The following DMXL1 variants were observed in gnomAD, a reference collection of about 807,000 sequenced individuals.
DMXL1 encodes dmX-like protein 1.
Under a neutral mutation model 319.2 loss-of-function variants are expected in DMXL1, and 99 were observed. The ratio of observed to expected loss-of-function variants is 0.31; its 90% confidence interval spans 0.26 to 0.37. DMXL1 has a LOEUF of 0.37. Among genes scored for constraint, DMXL1 ranks in the 10% least tolerant of loss-of-function variants. The pLI, the probability that DMXL1 is intolerant of heterozygous loss-of-function variation, is 1.00. For missense variants in DMXL1, 3,745 were observed against 3,595.6 expected, an observed-to-expected ratio of 1.04 and a Z score of -1.06; for synonymous variants, 1,385 against 1,235.2, an observed-to-expected ratio of 1.12 and a Z score of -2.54.
At chr5:119,234,495 A>G (rs1787362343) in intron 39 of DMXL1, among the ~76,000 whole-genome samples, 1 of 152,044 alleles carries the variant, frequency 6.6e-6, no homozygotes. Context: ...TTTTTTGTCT[A>G]CCATGTTTAT....
At chr5:119,154,055 A>G (rs1770442165) in intron 19 of DMXL1, among the ~76,000 whole-genome samples, 1 of 152,206 alleles carries the variant, frequency 6.6e-6, no homozygotes, top group African/African-American at 2.4e-5. Flanking sequence ...AATGAATTTA[A>G]TCAATAAATG....
chr5:119,081,143 A>T (rs1475386736), intron 1 of DMXL1, among the ~76,000 whole-genome samples: 9 of 152,230 alleles, frequency 5.9e-5, no homozygotes, highest in Admixed American at 5.9e-4. Flanking sequence ...CAAATGGGAC[A>T]AAGAAAACCT....
chr5:119,128,180 G>A, intron 9 of DMXL1: 2 of 463,132 alleles, frequency 4.3e-6, no homozygotes, highest in Admixed American at 2.5e-5. Context: ...AGTTCCACCT[G>A]CACGGTCTTT....
intron 14 of DMXL1, among the ~76,000 whole-genome samples, chr5:119,144,333 G>A (rs1475568546): frequency 6.6e-6 from 1 of 151,760 alleles, no homozygotes; most frequent in African/African-American, 2.4e-5. Context: ...AAGACTCATT[G>A]TAATGAAAGC....
At chr5:119,081,693 C>T in intron 1 of DMXL1, 11 of 985,340 alleles carry the variant, frequency 1.1e-5, no homozygotes, top group African/African-American at 1.7e-5. Flanking sequence ...CAATTTTAAC[C>T]AGAGGTACCC....
rs745596483 is a variant in DMXL1, at chr5:119,167,723, G to A, written c.5257G>A (p.Asp1753Asn). 12 of 1,613,584 alleles carry A rather than the reference G, an allele frequency of 7.4e-6. No individual in the cohort carries two copies. The highest frequency in any genetic ancestry group is 1.7e-5 in the Admixed American group (1 of 60,006). The change falls in exon 23 of 44, where the codon GAT (aspartate) becomes AAT (asparagine). Residue 1753 changes from aspartate to asparagine, a missense_variant. By Grantham distance (23) the Asp-to-Asn change is conservative. Coordinates refer to ENST00000539542, the MANE Select transcript of DMXL1 (RefSeq NM_001290321.3). ...SILRKKVLGIDSPVSELCSLN... is the reference protein window; with the variant it reads ...SILRKKVLGINSPVSELCSLN... ...TTTACGTAAAAAAGTTTTGGGAATCGATTCTCCTGTCAGTGAACTGTGTTC... is the reference window on the plus strand; with the variant it reads ...TTTACGTAAAAAAGTTTTGGGAATCAATTCTCCTGTCAGTGAACTGTGTTC...
chr5:119,233,895 A>G (rs1277911833), intron 39 of DMXL1, among the ~76,000 whole-genome samples: 1 of 152,138 alleles, frequency 6.6e-6, no homozygotes, highest in Non-Finnish European at 1.5e-5. Context: ...TTTTACAAAT[A>G]TTAAAGTTTT....
At chr5:119,158,207 T>G (rs1035902571) in intron 19 of DMXL1, among the ~76,000 whole-genome samples, 1 of 145,418 alleles carries the variant, frequency 6.9e-6, no homozygotes, top group Non-Finnish European at 1.5e-5. Context: ...TTTCTAAGGT[T>G]TTTTTTTTTT....
rs70982466 is a variant in DMXL1, at chr5:119,089,293, T to TATATATATATATATA, written c.88-8686_88-8685insATATATATATATATA. ...ATATATATACATATATATATATATA[T>TATATATATATATATA]TTTTTTTTTTTTTTTTTTTTTTTTT... On this transcript the variant is annotated intron_variant, in intron 1 of 43. Coordinates refer to ENST00000539542, the MANE Select transcript of DMXL1 (RefSeq NM_001290321.3). Among the ~76,000 whole-genome samples, 13 of 25,338 alleles carry TATATATATATATATA rather than the reference T, an allele frequency of 5.1e-4. 1 individual carries two copies. Among genetic ancestry groups the TATATATATATATATA allele is most frequent in the Non-Finnish European group, 8.3e-4 (12 of 14,538 alleles). 16.6% of individuals were successfully genotyped at this position (25,338 alleles called of 152,430 possible).
intron 34 of DMXL1, among the ~76,000 whole-genome samples, chr5:119,212,664 T>C (rs1783004442): frequency 6.6e-6 from 1 of 152,196 alleles, no homozygotes; most frequent in Non-Finnish European, 1.5e-5. Context: ...TTCTTTTTTC[T>C]TCACATGTCC....
intron 23 of DMXL1, among the ~76,000 whole-genome samples, chr5:119,168,942 C>T (rs1011503141): frequency 6.6e-6 from 1 of 151,988 alleles, no homozygotes; most frequent in Non-Finnish European, 1.5e-5. Flanking sequence ...CTCACTCTCA[C>T]CCAGGCTGGA....
chr5:119,198,014 T>A (rs942575320), intron 32 of DMXL1, 58 bp downstream of exon 32: 2 of 1,514,456 alleles, frequency 1.3e-6, no homozygotes. Flanking sequence ...TTTGAGATGG[T>A]GTCTCGCTCT....
intron 32 of DMXL1, among the ~76,000 whole-genome samples, chr5:119,199,385 C>T (rs1780260098): frequency 6.6e-6 from 1 of 152,164 alleles, no homozygotes; most frequent in Admixed American, 6.5e-5. Flanking sequence ...ATCCATGTTC[C>T]CACAAAAGAT....
intron 9 of DMXL1, among the ~76,000 whole-genome samples, chr5:119,124,762 C>T (rs778066010): frequency 4.6e-5 from 7 of 151,904 alleles, no homozygotes; most frequent in Middle Eastern, 3.2e-3. Flanking sequence ...GATGGTGTTT[C>T]ACCATGTTGG....
chr5:119,218,179 C>G (rs770750088), intron 35 of DMXL1, among the ~76,000 whole-genome samples: 11 of 152,014 alleles, frequency 7.2e-5, no homozygotes, highest in Non-Finnish European at 1.5e-4. Flanking sequence ...GAGTTTGATA[C>G]CAGCCTGGGC....
At chr5:119,239,126 A>C (rs1206819819) in intron 41 of DMXL1, 46 bp downstream of exon 41, 2 of 1,590,454 alleles carry the variant, frequency 1.3e-6, no homozygotes, top group East Asian at 4.5e-5. Flanking sequence ...GTATAGCTGA[A>C]CTTTTTTTTA....
At chr5:119,184,247 T>C (rs1004243840) in intron 28 of DMXL1, among the ~76,000 whole-genome samples, 10 of 152,062 alleles carry the variant, frequency 6.6e-5, no homozygotes, top group African/African-American at 2.2e-4. Flanking sequence ...GTTTTATTTT[T>C]ATAGAGACAA....
chr5:119,090,605 C>T (rs1189264059), intron 1 of DMXL1, among the ~76,000 whole-genome samples: 2 of 149,708 alleles, frequency 1.3e-5, no homozygotes, highest in Admixed American at 6.6e-5. Context: ...TCTTTTTGCC[C>T]AGGCTGGGGT....
chr5:119,213,104 CCCTGCAG>C (rs894600860), intron 34 of DMXL1, among the ~76,000 whole-genome samples: 1 of 152,290 alleles, frequency 6.6e-6, no homozygotes, highest in Non-Finnish European at 1.5e-5. Flanking sequence ...TATAAAACTA[CCCTGCAG>C]TCATAATAAA....
Sources: gnomAD v4.1 joint callset for allele counts (sites outside exome capture counted in the v4.1 genomes callset) on GRCh38, gnomAD v4.1.1 for gene constraint, MANE v1.5 for transcripts, NCBI Gene and HGNC (gene_info 2026-07-23, HGNC 2026-07-21) for gene names.